The following ITPR2 variants were observed in gnomAD, a reference collection of about 807,000 sequenced individuals.
The protein encoded by ITPR2 is inositol 1,4,5-trisphosphate receptor type 2.
Under a neutral mutation model 317.1 loss-of-function variants are expected in ITPR2, and 207 were observed. The observed-to-expected ratio is 0.65, with a 90% CI of 0.58 to 0.73. The LOEUF is 0.73. Ranked by LOEUF, ITPR2 falls within the 30% of genes least tolerant of loss-of-function variation. The pLI, the probability that ITPR2 is intolerant of heterozygous loss-of-function variation, is 0.00. For missense variants in ITPR2, 2,613 were observed against 3,284.0 expected, an observed-to-expected ratio of 0.80 and a Z score of 4.99; for synonymous variants, 1,156 against 1,149.1, an observed-to-expected ratio of 1.01 and a Z score of -0.12.
intron 55 of ITPR2, among the ~76,000 whole-genome samples, chr12:26,376,015 A>T (rs1939329760): frequency 6.6e-6 from 1 of 152,134 alleles, no homozygotes; most frequent in African/African-American, 2.4e-5. Context: ...CAGGAGGATC[A>T]CCTGAGCCTT....
intron 7 of ITPR2, 94 bp from the exon 8 acceptor site, chr12:26,715,539 T>G: frequency 9.6e-6 from 11 of 1,142,612 alleles, no homozygotes; most frequent in Non-Finnish European, 1.4e-5. Context: ...TACTAGCTAT[T>G]TGACTTTTAA....
chr12:26,603,033 T>C (rs571814089), intron 26 of ITPR2, among the ~76,000 whole-genome samples: 18 of 152,294 alleles, frequency 1.2e-4, no homozygotes, highest in Admixed American at 1.1e-3. Flanking sequence ...TGGCTTTATA[T>C]TGCCTATATG....
chr12:26,783,325 C>G (rs988753748), intron 2 of ITPR2, among the ~76,000 whole-genome samples: 1 of 152,192 alleles, frequency 6.6e-6, no homozygotes, highest in South Asian at 2.1e-4. Flanking sequence ...AGAACTGGAA[C>G]CTTCAAGACC....
intron 50 of ITPR2, among the ~76,000 whole-genome samples, chr12:26,418,046 T>C (rs374252952): frequency 5.9e-5 from 9 of 152,224 alleles, no homozygotes; most frequent in African/African-American, 2.2e-4. Flanking sequence ...ATAATCTAAC[T>C]TAACTGCCTA....
chr12:26,653,366 C>T (rs1367569521), intron 21 of ITPR2, among the ~76,000 whole-genome samples: 1 of 151,748 alleles, frequency 6.6e-6, no homozygotes, highest in African/African-American at 2.4e-5. Flanking sequence ...CTCAGCCTCC[C>T]GAGTAGCTGG....
chr12:26,457,453 T>A (rs1358814995), intron 45 of ITPR2, among the ~76,000 whole-genome samples: 1 of 152,100 alleles, frequency 6.6e-6, no homozygotes, highest in East Asian at 1.9e-4. Flanking sequence ...AAACTGGAAG[T>A]ATTAGAAGGT....
intron 55 of ITPR2, among the ~76,000 whole-genome samples, chr12:26,386,887 T>C (rs1939681667): frequency 6.6e-6 from 1 of 152,170 alleles, no homozygotes; most frequent in South Asian, 2.1e-4. Context: ...TGAGGAGTTA[T>C]AAGCAACTAG....
chr12:26,389,874 G>T (rs1455166887), intron 54 of ITPR2, among the ~76,000 whole-genome samples: 1 of 152,126 alleles, frequency 6.6e-6, no homozygotes, highest in African/African-American at 2.4e-5. Context: ...ATTTCATCCA[G>T]CAACTTGGAT....
At chr12:26,704,049 C>T (rs992386211) in intron 9 of ITPR2, among the ~76,000 whole-genome samples, 2 of 152,138 alleles carry the variant, frequency 1.3e-5, no homozygotes, top group African/African-American at 2.4e-5. Context: ...GTGGCATTAT[C>T]CAGAATCAAA....
chr12:26,356,157 T>C (rs1458293448), intron 55 of ITPR2, among the ~76,000 whole-genome samples: 2 of 152,226 alleles, frequency 1.3e-5, no homozygotes, highest in African/African-American at 4.8e-5. Flanking sequence ...TTGCTGACTC[T>C]GGGAACTGGA....
chr12:26,462,233 C>T (rs1942054516), intron 45 of ITPR2, among the ~76,000 whole-genome samples: 1 of 151,682 alleles, frequency 6.6e-6, no homozygotes, highest in Middle Eastern at 3.2e-3. Flanking sequence ...GTGGTGCCAT[C>T]TCGGCTCACT....
chr12:26,815,763 C>T (rs147160387), intron 1 of ITPR2, among the ~76,000 whole-genome samples: 1 of 151,992 alleles, frequency 6.6e-6, no homozygotes, highest in Non-Finnish European at 1.5e-5. Context: ...AGGCAATATG[C>T]CTTTGAACAG....
chr12:26,612,330 G>A (rs1946286459), intron 26 of ITPR2, among the ~76,000 whole-genome samples: 1 of 152,162 alleles, frequency 6.6e-6, no homozygotes, highest in African/African-American at 2.4e-5. Flanking sequence ...ATTATGAGCT[G>A]TTTTAGAACA....
chr12:26,565,015 C>A (rs1415215396), intron 34 of ITPR2, among the ~76,000 whole-genome samples: 1 of 152,144 alleles, frequency 6.6e-6, no homozygotes, highest in East Asian at 1.9e-4. Context: ...GCATTGAATG[C>A]TAAAAGATCC....
At chr12:26,402,225 A>G (rs901840) in intron 52 of ITPR2, among the ~76,000 whole-genome samples, 47,947 of 152,002 alleles carry the variant, frequency 0.32, 8,269 homozygotes, top group East Asian at 0.6. Flanking sequence ...TGTGTAAGAG[A>G]GCAAAAGGGG....
chr12:26,549,867 C>A (rs1285550749), intron 37 of ITPR2, among the ~76,000 whole-genome samples: 3 of 151,814 alleles, frequency 2.0e-5, no homozygotes, highest in Non-Finnish European at 4.4e-5. Flanking sequence ...AAAAAATCAA[C>A]ATATGCCAAA....
intron 46 of ITPR2, among the ~76,000 whole-genome samples, chr12:26,440,548 G>C (rs1294737171): frequency 2.0e-5 from 3 of 152,012 alleles, no homozygotes; most frequent in Admixed American, 1.3e-4. Context: ...TATTAATCTT[G>C]TAACTGAAGG....
chr12:26,790,363 G>A, intron 1 of ITPR2, 136 bp from the exon 2 acceptor site: 1 of 649,390 alleles, frequency 1.5e-6, no homozygotes, highest in Non-Finnish European at 2.7e-6. Context: ...AACAATCATG[G>A]GTCTGTAAAA....
intron 1 of ITPR2, among the ~76,000 whole-genome samples, chr12:26,796,359 T>C (rs959015841): frequency 4.6e-5 from 7 of 152,166 alleles, no homozygotes; most frequent in Non-Finnish European, 1.0e-4. Flanking sequence ...TCCGATAAAA[T>C]GTTCAACTTC....
Sources: allele counts gnomAD v4.1 joint callset (sites outside exome capture counted in the v4.1 genomes callset), GRCh38; gene constraint gnomAD v4.1.1; transcripts MANE v1.5; gene names NCBI Gene and HGNC (gene_info 2026-07-23, HGNC 2026-07-21).